Variants in UBQLN1 observed in about 807,000 individuals in gnomAD.
UBQLN1 encodes ubiquilin 1.
A neutral mutation model predicts 65.4 loss-of-function variants in UBQLN1; 13 were observed. The ratio of observed to expected loss-of-function variants is 0.20; its 90% confidence interval spans 0.13 to 0.32. UBQLN1 has a LOEUF of 0.32. Among genes scored for constraint, UBQLN1 ranks in the 10% least tolerant of loss-of-function variants. The pLI is 1.00. For missense variants in UBQLN1, 561 were observed against 724.0 expected (o/e 0.77, Z 2.58); for synonymous variants, 267 against 247.8 (o/e 1.08, Z -0.73).
At chr9:83,691,129 C>G (rs930734837) in intron 1 of UBQLN1, among the ~76,000 whole-genome samples, 1 of 151,568 alleles carries the variant, frequency 6.6e-6, no homozygotes, top group Non-Finnish European at 1.5e-5. Flanking sequence ...CAGAGAGGCA[C>G]TCGTCTCAAA....
rs1269317931 is a variant in UBQLN1 at position 83,677,904 on chromosome 9, G to C, written c.928C>G (p.Gln310Glu). ...VSNTSSGEGS[Q>E]PSRTENRDPL... is the part of the protein sequence containing the mutation. ...TCTCTATTTTCTGTACGGGAAGGTT[G>C]ACTACCTTCACCAGAGGATGTATTG... The change falls in exon 6 of 11, where the codon CAA becomes GAA. Residue 310 changes from glutamine (Q) to glutamate (E), a missense_variant. This residue lies in a region of UBQLN1 where 89 missense variants were observed against 77.8 expected (regional missense o/e 1.14). Coordinates refer to ENST00000376395, the MANE Select transcript of UBQLN1 (RefSeq NM_013438.5). The C allele has an allele frequency of 6.2e-7, 1 of 1,613,920 alleles. No homozygotes were observed. The highest frequency in any genetic ancestry group is 8.5e-7 in the Non-Finnish European group (1 of 1,180,028).
At position 83,660,965 on chromosome 9, in the gene UBQLN1, G is replaced by T. The variant is rs1831553376; in HGVS notation, c.*822C>A. 2 of 152,298 alleles carry T rather than the reference G, an allele frequency of 1.3e-5. No individual in the cohort carries two copies. The highest frequency in any genetic ancestry group is 4.1e-4 in the South Asian group (2 of 4,828). The allele number at this position is 152,298 out of a possible 1,614,324, so 9.4% of individuals were successfully genotyped here. A position where few individuals can be genotyped will look rare whatever the true frequency, so the allele number is the denominator to read the frequency against. ...AGAAGTCCTAGGCAAATGCACTTTGGGGTATACTACAGTGTTCCTTCAGTC... is the reference window on the plus strand; with the variant it reads ...AGAAGTCCTAGGCAAATGCACTTTGTGGTATACTACAGTGTTCCTTCAGTC... On this transcript the variant is annotated 3_prime_UTR_variant, in exon 11 of 11. Transcript: ENST00000376395.
chr9:83,664,295 T>C (rs993924503), intron 9 of UBQLN1, among the ~76,000 whole-genome samples: 2 of 152,158 alleles, frequency 1.3e-5, no homozygotes, highest in African/African-American at 2.4e-5. Flanking sequence ...GGTGCACACC[T>C]GTAGTATCAG....
At chr9:83,678,721 T>A (rs1193596745) in intron 4 of UBQLN1, 122 bp from the exon 5 acceptor site, 2 of 1,120,290 alleles carry the variant, frequency 1.8e-6, no homozygotes, top group East Asian at 4.9e-5. Flanking sequence ...TTGTTTTGTT[T>A]TTTTAATTTT....
rs575533863 is a variant in UBQLN1, at chr9:83,667,633, C to T, written c.1249-1200G>A. 1.0e-4 allele frequency: 101 copies of T among 985,312 alleles called. No individual in the cohort carries two copies. The African/African-American group carries it at 1.6e-3, about 15-fold the overall frequency. The allele number at this position is 985,312 out of a possible 1,614,324, so 61.0% of individuals were successfully genotyped here. On this transcript the variant is annotated intron_variant, in intron 7 of 10. Transcript: ENST00000376395. ...CAAATACTTATCATCAACATATTAA[C>T]GAGGTTATCACACATATCTTTTGGA...
chr9:83,671,406 T>C lies in UBQLN1; in HGVS notation c.1106-2079A>G, dbSNP rs920654624. Among the ~76,000 whole-genome samples, 5 of 152,244 alleles carry C rather than the reference T, an allele frequency of 3.3e-5. No individual in the cohort carries two copies. In the East Asian group the frequency reaches 7.7e-4, roughly 23 times the overall value. ...AAGGCAGCTATAGTCTAATTAAATG[T>C]ATTTCTTAAATAAGACTTGTAAGTT... On this transcript the variant is annotated intron_variant, in intron 6 of 10. Transcript: ENST00000376395.
At chr9:83,704,756 G>A (rs1263303553) in intron 1 of UBQLN1, among the ~76,000 whole-genome samples, 2 of 149,382 alleles carry the variant, frequency 1.3e-5, no homozygotes, top group Non-Finnish European at 3.0e-5. Flanking sequence ...AACCCGGGAA[G>A]GGGAGGTTGC....
At chr9:83,691,365 C>T (rs950360674) in intron 1 of UBQLN1, among the ~76,000 whole-genome samples, 1 of 151,996 alleles carries the variant, frequency 6.6e-6, no homozygotes, top group Admixed American at 6.6e-5. Context: ...GTGGCAGAGA[C>T]AATTAAAACC....
At chr9:83,668,504 T>A (rs962302030) in intron 7 of UBQLN1, 3 of 984,992 alleles carry the variant, frequency 3.0e-6, no homozygotes, top group African/African-American at 1.7e-5. Context: ...GAGAAAGGGT[T>A]ATCGGACGCA....
intron 1 of UBQLN1, among the ~76,000 whole-genome samples, chr9:83,706,695 T>C (rs1034812819): frequency 1.3e-5 from 2 of 152,260 alleles, no homozygotes; most frequent in African/African-American, 4.8e-5. Context: ...TTTGTATTCC[T>C]GAACCAAGTT....
At chr9:83,697,455 G>C (rs1832235868) in intron 1 of UBQLN1, among the ~76,000 whole-genome samples, 1 of 145,132 alleles carries the variant, frequency 6.9e-6, no homozygotes, top group African/African-American at 2.5e-5. Flanking sequence ...AGGAGGCTGA[G>C]GCAAGAGAAT....
chr9:83,667,428 A>C, intron 7 of UBQLN1: 3 of 891,966 alleles, frequency 3.4e-6, no homozygotes, highest in South Asian at 5.2e-5. Flanking sequence ...AAATGCTGGT[A>C]GAGAAAATTC....
intron 2 of UBQLN1, among the ~76,000 whole-genome samples, chr9:83,685,722 C>T (rs1014840439): frequency 1.3e-5 from 2 of 151,760 alleles, no homozygotes; most frequent in African/African-American, 4.8e-5. Context: ...AATTTCCTTA[C>T]TAAAAGAAAA....
chr9:83,662,317 T>C (rs961247459), intron 10 of UBQLN1, among the ~76,000 whole-genome samples: 8 of 146,168 alleles, frequency 5.5e-5, no homozygotes, highest in East Asian at 2.1e-4. Flanking sequence ...CACACACAGA[T>C]AGTTCAGAAT....
intron 8 of UBQLN1, 42 bp downstream of exon 8, chr9:83,666,308 G>A (rs1248131209): frequency 6.3e-7 from 1 of 1,596,246 alleles, no homozygotes; most frequent in Non-Finnish European, 8.6e-7. Flanking sequence ...ATTTTTTCAA[G>A]CAAATCATTA....
chr9:83,700,691 G>C (rs1356878256), intron 1 of UBQLN1, among the ~76,000 whole-genome samples: 3 of 152,090 alleles, frequency 2.0e-5, no homozygotes, highest in Non-Finnish European at 4.4e-5. Context: ...TGCATTCTAG[G>C]TAGCAAGAAC....
chr9:83,693,482 G>A (rs541331430), intron 1 of UBQLN1, among the ~76,000 whole-genome samples: 3 of 151,362 alleles, frequency 2.0e-5, no homozygotes, highest in Non-Finnish European at 4.4e-5. Flanking sequence ...TTTTTAACCA[G>A]ACTGTCAAGT....
chr9:83,682,182 G>T (rs1223593091), intron 3 of UBQLN1, among the ~76,000 whole-genome samples: 1 of 152,134 alleles, frequency 6.6e-6, no homozygotes, highest in Admixed American at 6.5e-5. Context: ...CTACTCGGGA[G>T]GCTGAGGCAG....
chr9:83,703,536 A>G (rs1353640856), intron 1 of UBQLN1, among the ~76,000 whole-genome samples: 1 of 152,066 alleles, frequency 6.6e-6, no homozygotes, highest in East Asian at 1.9e-4. Context: ...AAAAAAAAAG[A>G]AAATCCAAAG....
Sources: gnomAD v4.1 joint callset for allele counts (sites outside exome capture counted in the v4.1 genomes callset) on GRCh38, gnomAD v4.1.1 for gene constraint, gnomAD v4.1.1 regional missense constraint, MANE v1.5 for transcripts, NCBI Gene and HGNC (gene_info 2026-07-23, HGNC 2026-07-21) for gene names.